Variants in GLIPR2 observed in about 807,000 individuals in gnomAD.
The protein encoded by GLIPR2 is Golgi-associated plant pathogenesis-related protein 1.
Under a neutral mutation model 20.4 loss-of-function variants are expected in GLIPR2, and 21 were observed. The ratio of observed to expected loss-of-function variants is 1.03; its 90% CI spans 0.73 to 1.48. The LOEUF (loss-of-function observed/expected upper bound fraction) is 1.48, where lower values mean the gene tolerates loss of function less well. GLIPR2 is among the 40% of genes most tolerant of loss of function. The probability of loss-of-function intolerance (pLI) is 0.00; values close to 1 mark genes in which losing one functional copy is unlikely to be tolerated. For missense variants in GLIPR2, 205 were observed against 200.1 expected, an observed-to-expected ratio of 1.02 and a Z score of -0.15; for synonymous variants, 91 against 80.5, an observed-to-expected ratio of 1.13 and a Z score of -0.70.
At chr9:36,156,412 A>G (rs1042384197) in intron 4 of GLIPR2, among the ~76,000 whole-genome samples, 2 of 139,214 alleles carry the variant, frequency 1.4e-5, no homozygotes, top group African/African-American at 5.3e-5. Context: ...AAAAAAAAAA[A>G]GAAATTGTAG....
intron 4 of GLIPR2, among the ~76,000 whole-genome samples, chr9:36,154,617 GAA>G (rs1825749151): frequency 6.6e-6 from 1 of 152,134 alleles, no homozygotes; most frequent in South Asian, 2.1e-4. Flanking sequence ...TTAGGAAAAA[GAA>G]AAAGGAACCT....
At position 36,137,083 on chromosome 9, in the gene GLIPR2, G is replaced by A. The variant is rs1182369686; in HGVS notation, c.13+292G>A. On this transcript the variant is annotated intron_variant, in intron 1 of 4. Transcript: ENST00000377960. ...GCGTGGCTTCTGCTTTGTTTCAGGA[G>A]GCCAGACTTAGAGTTGGAAAAGTCA... Among the ~76,000 whole-genome samples, 6 of 152,338 alleles carry A rather than the reference G, an allele frequency of 3.9e-5. No individual in the cohort carries two copies. In the East Asian group the frequency reaches 7.7e-4, roughly 20 times the overall value.
At position 36,148,592 on chromosome 9, in the gene GLIPR2, G is replaced by A. The variant is rs138525625; in HGVS notation, c.168G>A (p.Pro56=). Residue 56 remains proline, a synonymous_variant, in exon 3 of 5, where the codon CCG becomes CCA. Coordinates refer to ENST00000377960, the MANE Select transcript of GLIPR2 (RefSeq NM_022343.4). ...LASTRILKHS[P]ESSRGQCGEN... ...GCACGAGGATCCTCAAGCACAGCCC[G>A]GAGTCCAGCCGTGGCCAGTGTGGGG... The A allele has an allele frequency of 5.0e-5, 81 of 1,614,114 alleles. No homozygotes were observed. The highest frequency in any genetic ancestry group is 3.3e-4 in the Admixed American group (20 of 60,026).
Position 36,148,022 on chromosome 9 carries a change from C to T in GLIPR2, c.122+128C>T, listed in dbSNP as rs556927272. ...CAGCACTTTCAGAGGCCAAGGCGGGCGGATCACCTGAGGTCAGGAGTTCAA... is the reference window on the plus strand; with the variant it reads ...CAGCACTTTCAGAGGCCAAGGCGGGTGGATCACCTGAGGTCAGGAGTTCAA... On this transcript the variant is annotated intron_variant, in intron 2 of 4. Coordinates refer to ENST00000377960, the MANE Select transcript of GLIPR2 (RefSeq NM_022343.4). 274 of 695,820 alleles carry T rather than the reference C, an allele frequency of 3.9e-4. 5 individuals carry two copies. The highest frequency in any genetic ancestry group is 3.6e-3 in the South Asian group (246 of 68,822). 43.1% of individuals were successfully genotyped at this position (695,820 alleles called of 1,614,324 possible).
At chr9:36,158,849 G>C (rs1825941599) in intron 4 of GLIPR2, among the ~76,000 whole-genome samples, 1 of 152,200 alleles carries the variant, frequency 6.6e-6, no homozygotes, top group African/African-American at 2.4e-5. Context: ...CAGATCACTT[G>C]AGGTCAGGAG....
intron 3 of GLIPR2, 36 bp from the exon 4 acceptor site, chr9:36,150,836 G>C (rs1231453077): frequency 6.6e-7 from 1 of 1,516,326 alleles, no homozygotes; most frequent in Non-Finnish European, 9.1e-7. Context: ...GGTGGATTTT[G>C]TGGCTGAGTT....
intron 1 of GLIPR2, chr9:36,145,079 A>G (rs1173476287): frequency 1.3e-5 from 2 of 152,224 alleles, no homozygotes; most frequent in African/African-American, 2.4e-5. Flanking sequence ...CACTTCCTTT[A>G]TGGTTCACAC....
intron 1 of GLIPR2, among the ~76,000 whole-genome samples, chr9:36,137,148 C>T (rs1023478940): frequency 1.3e-5 from 2 of 152,148 alleles, no homozygotes; most frequent in African/African-American, 4.8e-5. Flanking sequence ...AGCAGTTTGC[C>T]CCGCTCGGCT....
intron 4 of GLIPR2, among the ~76,000 whole-genome samples, chr9:36,153,399 C>A (rs1825690159): frequency 1.3e-5 from 2 of 152,224 alleles, no homozygotes; most frequent in African/African-American, 4.8e-5. Context: ...CAGATACCAA[C>A]AGGCAGTGCC....
intron 4 of GLIPR2, among the ~76,000 whole-genome samples, chr9:36,154,817 A>G (rs1229004332): frequency 6.6e-6 from 1 of 152,172 alleles, no homozygotes; most frequent in Non-Finnish European, 1.5e-5. Flanking sequence ...CGTGCTGCTC[A>G]TGTGCACTTT....
At chr9:36,141,902 C>A (rs1825104876) in intron 1 of GLIPR2, 1 of 455,516 alleles carries the variant, frequency 2.2e-6, no homozygotes, top group African/African-American at 2.0e-5. Flanking sequence ...ACTTCGAGAA[C>A]CCAGTGCAGC....
At chr9:36,136,586 G>A, upstream of GLIPR2, 1 of 368,476 alleles carries the variant, frequency 2.7e-6, no homozygotes, top group Non-Finnish European at 4.8e-6. This position sits in a 1 kb window ranked among gnomAD's most constrained non-coding sequence, Gnocchi z 4.3. Context: ...TCCCAGGGGT[G>A]AGCTCTCCGG....
chr9:36,151,141 A>G, intron 4 of GLIPR2, 192 bp downstream of exon 4: 1 of 596,030 alleles, frequency 1.7e-6, no homozygotes, highest in South Asian at 1.9e-5. Flanking sequence ...CAGCTTCCCC[A>G]TGCTACATGC....
chr9:36,142,576 G>A (rs1276202176), intron 1 of GLIPR2, among the ~76,000 whole-genome samples: 14 of 152,190 alleles, frequency 9.2e-5, no homozygotes, highest in Non-Finnish European at 1.5e-5. Context: ...GCACTCTGAG[G>A]CCGTGTGGAC....
chr9:36,136,711 G>A (rs1209600671), upstream of GLIPR2: 9 of 1,115,756 alleles, frequency 8.1e-6, no homozygotes, highest in East Asian at 3.3e-5. The surrounding 1 kb of genome is among the most constrained non-coding windows in gnomAD (Gnocchi z 4.3). Context: ...TGGGCTCTGG[G>A]GCGGCGCTGG....
At chr9:36,154,051 CATATTAT>C (rs55951749) in intron 4 of GLIPR2, among the ~76,000 whole-genome samples, 51,107 of 134,002 alleles carry the variant, frequency 0.38, 10,535 homozygotes, top group Non-Finnish European at 0.44. Context: ...AATGTCTTAT[CATATTAT>C]ATATTATATA....
chr9:36,141,186 G>C (rs1456996197), intron 1 of GLIPR2, among the ~76,000 whole-genome samples: 1 of 152,202 alleles, frequency 6.6e-6, no homozygotes, highest in Non-Finnish European at 1.5e-5. Context: ...TTGTGAGGTA[G>C]ATACTGCTGT....
Position 36,147,734 on chromosome 9 carries a change from T to C in GLIPR2, c.14-52T>C, listed in dbSNP as rs376651804. 712 of 850,642 alleles carry C rather than the reference T, an allele frequency of 8.4e-4. 1 individual carries two copies. The highest frequency in any genetic ancestry group is 1.2e-3 in the Non-Finnish European group (598 of 484,210). 52.7% of individuals were successfully genotyped at this position (850,642 alleles called of 1,614,324 possible). On this transcript the variant is annotated intron_variant, in intron 1 of 4. Coordinates refer to ENST00000377960, the MANE Select transcript of GLIPR2 (RefSeq NM_022343.4). Reference sequence around the variant, plus strand: ...TGCTTTCAGCATGCCATTATACTTTTGATGAGTGTTTTCTCTGCACTGAGC... The same window carrying C: ...TGCTTTCAGCATGCCATTATACTTTCGATGAGTGTTTTCTCTGCACTGAGC...
intron 4 of GLIPR2, among the ~76,000 whole-genome samples, chr9:36,156,137 G>C (rs1057067690): frequency 6.6e-6 from 1 of 152,122 alleles, no homozygotes; most frequent in Non-Finnish European, 1.5e-5. Context: ...TTGAATCTGG[G>C]AGGCGAAGGT....
Sources: gnomAD v4.1 joint callset for allele counts (sites outside exome capture counted in the v4.1 genomes callset) on GRCh38, gnomAD v4.1.1 for gene constraint, Gnocchi (gnomAD v3.1) non-coding constraint, MANE v1.5 for transcripts, NCBI Gene and HGNC (gene_info 2026-07-23, HGNC 2026-07-21) for gene names.